The following SYN3 variants were observed in gnomAD, a reference collection of about 807,000 sequenced individuals.
SYN3 encodes the protein synapsin III.
SYN3 carries 35 observed loss-of-function variants against 65.8 expected under a neutral mutation model. The observed-to-expected ratio is 0.53, with a 90% CI of 0.41 to 0.70. The LOEUF is 0.70. Among genes scored for constraint, SYN3 ranks in the 30% least tolerant of loss-of-function variants. The pLI is 0.00. For missense variants in SYN3, 680 were observed against 749.0 expected (o/e 0.91, Z 1.08); for synonymous variants, 270 against 292.9 (o/e 0.92, Z 0.80).
At chr22:32,691,553 G>A (rs1312653331) in intron 6 of SYN3, among the ~76,000 whole-genome samples, 2 of 152,228 alleles carry the variant, frequency 1.3e-5, no homozygotes, top group Admixed American at 6.5e-5. Flanking sequence ...ACATCCACCC[G>A]CCCATAATCT....
chr22:32,790,431 T>TTTATTTATTTAC (rs1467498580), intron 6 of SYN3, among the ~76,000 whole-genome samples: 7 of 150,510 alleles, frequency 4.7e-5, no homozygotes, highest in Non-Finnish European at 1.0e-4. Context: ...TATTTATTTA[T>TTTATTTATTTAC]TTATTTATTA....
At chr22:32,947,889 T>C (rs1357158702) in intron 3 of SYN3, among the ~76,000 whole-genome samples, 10 of 152,200 alleles carry the variant, frequency 6.6e-5, no homozygotes, top group African/African-American at 9.7e-5. Context: ...AATCAAGGTG[T>C]TGGCCAGCTG....
At chr22:32,918,024 A>G (rs1324043603) in intron 4 of SYN3, among the ~76,000 whole-genome samples, 2 of 152,202 alleles carry the variant, frequency 1.3e-5, no homozygotes, top group Non-Finnish European at 2.9e-5. Context: ...TGCAGACCAC[A>G]TCCCCGCCTG....
Position 32,847,497 on chromosome 22 carries a change from A to C in SYN3, c.711+17418T>G, listed in dbSNP as rs1462538862. On this transcript the variant is annotated intron_variant, in intron 6 of 13. Coordinates refer to ENST00000358763, the MANE Select transcript of SYN3 (RefSeq NM_003490.4). ...GAAGGTCTGAAGGGGCCATTGATTC[A>C]TCTGAACCCTGACTTCATGTCTGAC... 2.6e-5 allele frequency among the ~76,000 whole-genome samples: 4 copies of C among 152,228 alleles called. 1 individual carries two copies. Among genetic ancestry groups the C allele is most frequent in the African/African-American group, 9.6e-5 (4 of 41,460 alleles).
chr22:32,763,622 C>T (rs967125970), intron 6 of SYN3, among the ~76,000 whole-genome samples: 48 of 152,348 alleles, frequency 3.2e-4, no homozygotes, highest in African/African-American at 9.4e-4. Context: ...GGTAGCCATG[C>T]AGTACTGCCC....
intron 2 of SYN3, among the ~76,000 whole-genome samples, chr22:32,999,863 T>C (rs544327359): frequency 2.0e-5 from 3 of 152,148 alleles, no homozygotes; most frequent in African/African-American, 7.2e-5. Flanking sequence ...AGGAGCAAAG[T>C]GAAACTGGTC....
chr22:33,009,510 G>T (rs1463253786), intron 1 of SYN3, among the ~76,000 whole-genome samples: 1 of 151,890 alleles, frequency 6.6e-6, no homozygotes, highest in Non-Finnish European at 1.5e-5. Flanking sequence ...ATACATTCTA[G>T]ATACAAGTCC....
intron 3 of SYN3, among the ~76,000 whole-genome samples, chr22:32,964,446 C>T (rs1425269470): frequency 6.8e-6 from 1 of 147,450 alleles, no homozygotes; most frequent in Non-Finnish European, 1.5e-5. Context: ...AAAGAAAGGT[C>T]AGAAAACCCA....
At chr22:32,859,179 G>T in intron 6 of SYN3, 1 of 1,614,204 alleles carries the variant, frequency 6.2e-7, no homozygotes, top group Non-Finnish European at 8.5e-7. Flanking sequence ...TCTAATTGCA[G>T]ATCAAGTCCT....
intron 1 of SYN3, among the ~76,000 whole-genome samples, chr22:33,047,950 C>G (rs2054097154): frequency 6.7e-6 from 1 of 149,664 alleles, no homozygotes; most frequent in Non-Finnish European, 1.5e-5. Context: ...GCATTTTGAA[C>G]TCAGGTCTGT....
chr22:32,998,785 A>AAAC (rs985624527), intron 2 of SYN3, among the ~76,000 whole-genome samples: 5 of 137,178 alleles, frequency 3.6e-5, no homozygotes, highest in East Asian at 2.0e-4. Context: ...GTAAAAAAAA[A>AAAC]AAAAAAAAAA....
intron 7 of SYN3, chr22:32,583,761 A>G (rs1426266911): frequency 6.6e-6 from 1 of 152,190 alleles, no homozygotes; most frequent in Non-Finnish European, 1.5e-5. Flanking sequence ...ACTGAGAGTC[A>G]GGTAGCACTA....
chr22:32,997,629 C>T (rs935373764), intron 2 of SYN3, among the ~76,000 whole-genome samples: 1 of 152,172 alleles, frequency 6.6e-6, no homozygotes, highest in Non-Finnish European at 1.5e-5. Context: ...ACAAAAAGCC[C>T]TGCTTTCTAG....
At chr22:33,028,209 C>T (rs993896491) in intron 1 of SYN3, among the ~76,000 whole-genome samples, 10 of 152,228 alleles carry the variant, frequency 6.6e-5, no homozygotes, top group Non-Finnish European at 1.0e-4. Flanking sequence ...CTCCAGCACA[C>T]TGGCTCCAGT....
At chr22:32,922,287 A>G (rs1048638400) in intron 4 of SYN3, among the ~76,000 whole-genome samples, 30 of 152,108 alleles carry the variant, frequency 2.0e-4, no homozygotes, top group African/African-American at 6.8e-4. Context: ...TTTGCCACTT[A>G]TTGGCTGGAG....
intron 6 of SYN3, among the ~76,000 whole-genome samples, chr22:32,760,228 A>C (rs5998622): frequency 0.85 from 94,997 of 112,070 alleles, 40,664 homozygotes; most frequent in African/African-American, 0.96. Flanking sequence ...CCACGCACCA[A>C]CAGCCAGCAC....
chr22:32,535,782 G>A (rs1366375571), intron 9 of SYN3, among the ~76,000 whole-genome samples: 1 of 57,086 alleles, frequency 1.8e-5, no homozygotes, highest in Non-Finnish European at 3.2e-5. Context: ...TTGGAGAATC[G>A]GGGGGGGGGC....
In SYN3 at chr22:32,509,726, G is replaced by C. The variant is rs112301246; in HGVS notation, c.*3966C>G. On this transcript the variant is annotated 3_prime_UTR_variant, in exon 14 of 14. Coordinates refer to ENST00000358763, the MANE Select transcript of SYN3 (RefSeq NM_003490.4). ...TGGGACTACAGGCGCCCGCTACCAC[G>C]CCCGGCTAATTTTTTATATTTTTAG... Among the ~76,000 whole-genome samples, 3 of 151,824 alleles carry C rather than the reference G, an allele frequency of 2.0e-5. No homozygotes were observed. The highest frequency in any genetic ancestry group is 1.5e-5 in the Non-Finnish European group (1 of 67,980).
chr22:32,513,125 G>A lies in SYN3; in HGVS notation c.*567C>T, dbSNP rs576465361. The A allele has an allele frequency of 6.6e-6, 1 of 152,576 alleles. No individual in the cohort carries two copies. Among genetic ancestry groups the A allele is most frequent in the African/African-American group, 2.4e-5 (1 of 41,524 alleles). The allele number at this position is 152,576 out of a possible 1,614,324, so 9.5% of individuals were successfully genotyped here. On this transcript the variant is annotated 3_prime_UTR_variant, in exon 14 of 14. Transcript: ENST00000358763. ...CCACTAGTGGCCGAGTGTGATGGGG[G>A]CCTTTGCCTGCCTGGTCTAAGGGCG...
Sources: gnomAD v4.1 joint callset for allele counts (sites outside exome capture counted in the v4.1 genomes callset) on GRCh38, gnomAD v4.1.1 for gene constraint, MANE v1.5 for transcripts, NCBI Gene and HGNC (gene_info 2026-07-23, HGNC 2026-07-21) for gene names.